SERPINB8: variants seen among roughly 807,000 people sequenced by gnomAD.
The protein encoded by SERPINB8 is serpin B8.
In SERPINB8, 25 loss-of-function variants were observed where a neutral mutation model predicts 35.3. The observed-to-expected ratio is 0.71, with a 90% CI of 0.52 to 0.99. SERPINB8 has a LOEUF of 0.99. Among genes scored for constraint, SERPINB8 ranks in the 50% least tolerant of loss-of-function variants. The pLI is 0.00. For synonymous variants in SERPINB8, 186 were observed against 160.8 expected (o/e 1.16, Z -1.19); for missense variants, 484 against 446.5 (o/e 1.08, Z -0.76).
At position 63,987,008 on chromosome 18, in the gene SERPINB8, A is replaced by G. The variant is rs2050766985; in HGVS notation, c.855A>G (p.Arg285=). 1 of 1,614,098 alleles carries G rather than the reference A, an allele frequency of 6.2e-7. No homozygotes were observed. The highest frequency in any genetic ancestry group is 8.5e-7 in the Non-Finnish European group (1 of 1,180,060). Residue 285 remains arginine (R), a synonymous_variant, in exon 7 of 7, where the codon AGA becomes AGG. Transcript: ENST00000397985. ...ATGACTTGGAGCCTTTCCTTCGAAG[A>G]TTAGGAATGATCGATGCTTTTGACG... The part of the protein sequence containing the change: ...ESYDLEPFLR[R]LGMIDAFDEA...
rs767927244 is a variant in SERPINB8 at position 63,979,821 on chromosome 18, C to T, written c.189C>T (p.Asp63=). 3.1e-6 allele frequency: 5 copies of T among 1,614,060 alleles called. No individual in the cohort carries two copies. Among genetic ancestry groups the T allele is most frequent in the Admixed American group, 3.3e-5 (2 of 60,022 alleles). Residue 63 remains aspartate (D), a synonymous_variant, in exon 3 of 7, where the codon GAC becomes GAT. Coordinates refer to ENST00000397985, the MANE Select transcript of SERPINB8 (RefSeq NM_002640.4). ...QMSQALCLYK[D]GDIHRGFQSL... Reference sequence around the variant, plus strand: ...CCCAGGCACTTTGTTTATACAAAGACGGAGATATTCACCGAGGTTTCCAGT... The same window carrying T: ...CCCAGGCACTTTGTTTATACAAAGATGGAGATATTCACCGAGGTTTCCAGT...
At position 63,971,190 on chromosome 18, in the gene SERPINB8, T is replaced by C. The variant is rs937037861; in HGVS notation, c.-11+1020T>C. Among the ~76,000 whole-genome samples, 3 of 152,174 alleles carry C rather than the reference T, an allele frequency of 2.0e-5. No individual in the cohort carries two copies. In the East Asian group the frequency reaches 5.8e-4, roughly 29 times the overall value. Reference sequence around the variant, plus strand: ...CGCGCGCTCTCCCCTCGCCCTCCTCTGTCTCTTCCTTTTACTACCTCCAGA... The same window carrying C: ...CGCGCGCTCTCCCCTCGCCCTCCTCCGTCTCTTCCTTTTACTACCTCCAGA... On this transcript the variant is annotated intron_variant, in intron 1 of 6. Coordinates refer to ENST00000397985, the MANE Select transcript of SERPINB8 (RefSeq NM_002640.4).
rs2050799981 is a variant in SERPINB8 at position 63,988,864 on chromosome 18, T to A, written c.*1586T>A. The A allele has an allele frequency of 6.6e-6, 1 of 151,502 alleles. No individual in the cohort carries two copies. The highest frequency in any genetic ancestry group is 1.5e-5 in the Non-Finnish European group (1 of 67,818). 9.4% of individuals were successfully genotyped at this position (151,502 alleles called of 1,614,324 possible). Reference sequence around the variant, plus strand: ...TTTTGTTCTCACTTCCACCTCTAATTTGAAGAACACTTTAATTGACACAGA... The same window carrying A: ...TTTTGTTCTCACTTCCACCTCTAATATGAAGAACACTTTAATTGACACAGA... On this transcript the variant is annotated 3_prime_UTR_variant, in exon 7 of 7. Transcript: ENST00000397985.
At chr18:64,005,843 T>C (rs1472371138), downstream of SERPINB8, among the ~76,000 whole-genome samples, 1 of 152,126 alleles carries the variant, frequency 6.6e-6, no homozygotes, top group African/African-American at 2.4e-5. Flanking sequence ...TATTAGGACA[T>C]GTGGGTTTTC....
At chr18:63,979,112 T>A (rs552172184) in intron 2 of SERPINB8, among the ~76,000 whole-genome samples, 1 of 152,320 alleles carries the variant, frequency 6.6e-6, no homozygotes, top group African/African-American at 2.4e-5. Flanking sequence ...CAGGAGTGTA[T>A]AGACAGTCTC....
intron 7 of SERPINB8, among the ~76,000 whole-genome samples, chr18:64,015,191 G>C (rs2050944077): frequency 6.6e-6 from 1 of 152,256 alleles, no homozygotes; most frequent in South Asian, 2.1e-4. Flanking sequence ...CCCAGTTGTG[G>C]GGGTGGACAA....
chr18:64,016,904 ACTTC>A (rs2050953032), intron 7 of SERPINB8, among the ~76,000 whole-genome samples: 1 of 152,140 alleles, frequency 6.6e-6, no homozygotes, highest in African/African-American at 2.4e-5. Context: ...TTGTTTTTGC[ACTTC>A]CTTCTAGATT....
chr18:63,985,303 A>G, intron 6 of SERPINB8, 58 bp downstream of exon 6: 2 of 1,579,902 alleles, frequency 1.3e-6, no homozygotes, highest in Non-Finnish European at 1.7e-6. Context: ...TCATTTCTTT[A>G]TGTTCATCTA....
chr18:64,013,324 C>T (rs2050934427), intron 7 of SERPINB8, among the ~76,000 whole-genome samples: 1 of 152,100 alleles, frequency 6.6e-6, no homozygotes, highest in Non-Finnish European at 1.5e-5. Context: ...TACATTATTA[C>T]TTTCGGAAAT....
At chr18:64,009,634 T>C (rs748028071), downstream of SERPINB8, among the ~76,000 whole-genome samples, 6 of 152,232 alleles carry the variant, frequency 3.9e-5, no homozygotes, top group Non-Finnish European at 8.8e-5. Context: ...AACTGATTTT[T>C]CTTATGTAAA....
chr18:64,009,737 C>T (rs1262190098), downstream of SERPINB8, among the ~76,000 whole-genome samples: 1 of 152,160 alleles, frequency 6.6e-6, no homozygotes, highest in Non-Finnish European at 1.5e-5. Flanking sequence ...TGACCTTGAG[C>T]AGTTGGATAT....
At chr18:63,985,686 T>C (rs2050742976) in intron 6 of SERPINB8, among the ~76,000 whole-genome samples, 1 of 152,142 alleles carries the variant, frequency 6.6e-6, no homozygotes, top group African/African-American at 2.4e-5. Context: ...TGTAACAAGA[T>C]TCCAAGTGAT....
exon 2 of SERPINB8, chr18:64,005,649 A>G (rs1377351255): frequency 6.6e-6 from 1 of 152,214 alleles, no homozygotes; most frequent in African/African-American, 2.4e-5. Context: ...AAATAAATTT[A>G]TGTTGTTTAT....
chr18:64,006,765 T>G (rs777068597), downstream of SERPINB8, among the ~76,000 whole-genome samples: 4 of 152,224 alleles, frequency 2.6e-5, no homozygotes, highest in Non-Finnish European at 4.4e-5. Context: ...TACTTATGAC[T>G]AGAGTACTTT....
chr18:63,986,969 G>A lies in SERPINB8; in HGVS notation c.816G>A (p.Lys272=). 6.2e-7 allele frequency: 1 copy of A among 1,614,222 alleles called. No homozygotes were observed. Among genetic ancestry groups the A allele is most frequent in the Non-Finnish European group, 8.5e-7 (1 of 1,180,036 alleles). The change falls in exon 7 of 7, where the codon AAG becomes AAA. Residue 272 remains lysine (K), a synonymous_variant. Coordinates refer to ENST00000397985, the MANE Select transcript of SERPINB8 (RefSeq NM_002640.4). ...SKVQVFLPRL[K]LEESYDLEPF... is the part of the protein sequence containing the mutation. Reference sequence around the variant, plus strand: ...TTCAAGTTTTCCTTCCCAGATTAAAGCTGGAGGAGAGTTATGACTTGGAGC... The same window carrying A: ...TTCAAGTTTTCCTTCCCAGATTAAAACTGGAGGAGAGTTATGACTTGGAGC...
chr18:63,974,289 G>A (rs755132272), intron 1 of SERPINB8, among the ~76,000 whole-genome samples: 5 of 152,046 alleles, frequency 3.3e-5, no homozygotes, highest in African/African-American at 4.8e-5. Context: ...AGTGATTAAC[G>A]CATTTATTTT....
intron 7 of SERPINB8, among the ~76,000 whole-genome samples, chr18:64,013,399 A>T (rs988136555): frequency 6.6e-6 from 1 of 152,166 alleles, no homozygotes. Context: ...GCTACCATGG[A>T]ATACCCTCCT....
At chr18:64,010,014 G>A (rs2144848911), downstream of SERPINB8, among the ~76,000 whole-genome samples, 1 of 152,114 alleles carries the variant, frequency 6.6e-6, no homozygotes, top group African/African-American at 2.4e-5. Context: ...ACTAAGAGAT[G>A]ATAGTTTAGC....
chr18:63,972,969 G>A (rs1308614008), intron 1 of SERPINB8, among the ~76,000 whole-genome samples: 7 of 152,164 alleles, frequency 4.6e-5, no homozygotes, highest in African/African-American at 9.7e-5. Flanking sequence ...ATGTGTCTTT[G>A]TAGTAGCATG....
Sources: allele counts gnomAD v4.1 joint callset (sites outside exome capture counted in the v4.1 genomes callset), GRCh38; gene constraint gnomAD v4.1.1; transcripts MANE v1.5; gene names NCBI Gene and HGNC (gene_info 2026-07-23, HGNC 2026-07-21).